The following ACER2 variants were observed in gnomAD, a reference collection of about 807,000 sequenced individuals.
ACER2 encodes the protein alkCDase 2.
ACER2 carries 26 observed loss-of-function variants against 34.7 expected under a neutral mutation model. The ratio of observed to expected loss-of-function variants is 0.75; its 90% CI spans 0.55 to 1.04. The LOEUF (loss-of-function observed/expected upper bound fraction) is 1.04, where lower values mean the gene tolerates loss of function less well. Ranked by LOEUF, ACER2 falls within the 50% of genes least tolerant of loss-of-function variation. The pLI is 0.00. For synonymous variants in ACER2, 138 were observed against 132.1 expected (o/e 1.04, Z -0.31); for missense variants, 352 against 340.8 (o/e 1.03, Z -0.26).
chr9:19,426,740 A>G lies in ACER2; in HGVS notation c.365+1899A>G, dbSNP rs532501024. ...GGAAAGAAGAAAATGGGGTGATGAC[A>G]TTGGTAGTTAAAGCTTACCAACTTT... On this transcript the variant is annotated intron_variant, in intron 3 of 5. Transcript: ENST00000340967. Among the ~76,000 whole-genome samples the G allele has an allele frequency of 2.6e-4, 39 of 152,200 alleles. No homozygotes were observed. In the Middle Eastern group the frequency reaches 0.01, roughly 40 times the overall value.
chr9:19,437,019 C>T (rs1263711410), intron 4 of ACER2, among the ~76,000 whole-genome samples: 2 of 152,190 alleles, frequency 1.3e-5, no homozygotes, highest in African/African-American at 2.4e-5. Flanking sequence ...TCCTACTCTG[C>T]TCCTTTGCTT....
intron 4 of ACER2, among the ~76,000 whole-genome samples, chr9:19,440,916 C>T (rs1831134415): frequency 6.6e-6 from 1 of 152,182 alleles, no homozygotes; most frequent in Non-Finnish European, 1.5e-5. Flanking sequence ...CCTTTTCTAG[C>T]TCTGATTCTC....
chr9:19,446,146 G>A (rs555927553), intron 4 of ACER2, 135 bp from the exon 5 acceptor site: 2 of 1,223,662 alleles, frequency 1.6e-6, no homozygotes, highest in South Asian at 2.4e-5. Flanking sequence ...TGGAGTGACT[G>A]TGTGTTGGGT....
chr9:19,444,312 C>T (rs1195193847), intron 4 of ACER2, among the ~76,000 whole-genome samples: 2 of 150,512 alleles, frequency 1.3e-5, no homozygotes, highest in Non-Finnish European at 3.0e-5. Flanking sequence ...CCCGGGTTCA[C>T]GCCATTCTCC....
intron 3 of ACER2, among the ~76,000 whole-genome samples, chr9:19,433,588 C>G (rs1001948876): frequency 2.0e-5 from 3 of 152,274 alleles, no homozygotes; most frequent in African/African-American, 7.2e-5. Context: ...TCCGATTTCT[C>G]AATCTTTTCC....
chr9:19,422,964 A>G (rs1830449212), intron 1 of ACER2, among the ~76,000 whole-genome samples: 1 of 151,310 alleles, frequency 6.6e-6, no homozygotes, highest in Non-Finnish European at 1.5e-5. Context: ...CCTGGGAGGC[A>G]GAAGTTGCAG....
rs566722034 is a variant in ACER2, at chr9:19,445,014, A to C, written c.504-1267A>C. Among the ~76,000 whole-genome samples, 3 of 152,234 alleles carry C rather than the reference A, an allele frequency of 2.0e-5. No homozygotes were observed. The East Asian group carries it at 5.8e-4, about 29-fold the overall frequency. On this transcript the variant is annotated intron_variant, in intron 4 of 5. Transcript: ENST00000340967. Reference sequence around the variant, plus strand: ...GGCACTAGCCAGTCAGGCTTTTAACACCTGTCTGTGGGTTCAACAAAGAGG... The same window carrying C: ...GGCACTAGCCAGTCAGGCTTTTAACCCCTGTCTGTGGGTTCAACAAAGAGG...
intron 3 of ACER2, among the ~76,000 whole-genome samples, chr9:19,428,069 TTTCCTTTCCTTCTCTC>T (rs1403272259): frequency 9.0e-4 from 124 of 137,600 alleles, no homozygotes; most frequent in Non-Finnish European, 1.6e-3. Context: ...TTTCCTTTCC[TTTCCTTTCCTTCTCTC>T]TCTCTCTCTC....
chr9:19,425,071 A>G (rs961906888), intron 3 of ACER2, among the ~76,000 whole-genome samples: 5 of 152,202 alleles, frequency 3.3e-5, no homozygotes, highest in Non-Finnish European at 7.3e-5. Context: ...TACCCAAAGT[A>G]CATCACCTCT....
chr9:19,443,876 C>A (rs150745033), intron 4 of ACER2, among the ~76,000 whole-genome samples: 9 of 152,108 alleles, frequency 5.9e-5, no homozygotes, highest in Admixed American at 2.0e-4. Context: ...AGGCTGATCT[C>A]CAACTCCTGA....
intron 3 of ACER2, among the ~76,000 whole-genome samples, chr9:19,426,598 A>G (rs1830580365): frequency 6.6e-6 from 1 of 152,152 alleles, no homozygotes; most frequent in South Asian, 2.1e-4. Context: ...TGTTTGTGAC[A>G]TTCTTGAGGC....
intron 3 of ACER2, among the ~76,000 whole-genome samples, chr9:19,427,509 C>G (rs186063195): frequency 5.3e-5 from 8 of 152,216 alleles, no homozygotes; most frequent in Admixed American, 5.2e-4. Flanking sequence ...GCAGACCAGA[C>G]CAAAAAATTC....
chr9:19,418,058 A>G (rs1360293755), intron 1 of ACER2, among the ~76,000 whole-genome samples: 1 of 152,266 alleles, frequency 6.6e-6, no homozygotes, highest in African/African-American at 2.4e-5. Flanking sequence ...GACACTTCTC[A>G]AAAGAAGACA....
intron 1 of ACER2, among the ~76,000 whole-genome samples, chr9:19,413,541 A>C (rs1830151714): frequency 6.6e-6 from 1 of 151,754 alleles, no homozygotes; most frequent in Non-Finnish European, 1.5e-5. Flanking sequence ...TGGAGGTTGC[A>C]GTGAGCCAAG....
intron 4 of ACER2, among the ~76,000 whole-genome samples, chr9:19,437,457 C>T (rs982142072): frequency 5.3e-5 from 8 of 152,174 alleles, no homozygotes; most frequent in Admixed American, 1.3e-4. Flanking sequence ...CTCCCATATC[C>T]ATTGCTCCAC....
chr9:19,409,594 T>G (rs991312476), intron 1 of ACER2, among the ~76,000 whole-genome samples: 1 of 152,014 alleles, frequency 6.6e-6, no homozygotes. Context: ...CATTGTGCTT[T>G]TTTGCCCTGA....
intron 1 of ACER2, among the ~76,000 whole-genome samples, chr9:19,416,675 G>A (rs941485955): frequency 1.1e-4 from 16 of 151,090 alleles, no homozygotes; most frequent in East Asian, 1.9e-4. Flanking sequence ...ACAGGCGCCC[G>A]CCACCATGCC....
chr9:19,424,550 G>T, intron 2 of ACER2, 150 bp from the exon 3 acceptor site: 3 of 1,465,694 alleles, frequency 2.0e-6, no homozygotes, highest in East Asian at 2.3e-5. Context: ...TGCTTGGGTG[G>T]TGTGAGTTTC....
chr9:19,446,584 G>A, intron 5 of ACER2, 166 bp downstream of exon 5: 1 of 985,434 alleles, frequency 1.0e-6, no homozygotes, highest in Non-Finnish European at 1.2e-6. Flanking sequence ...AGCACACTTT[G>A]TAAAAAGCTG....
Sources: allele counts gnomAD v4.1 joint callset (sites outside exome capture counted in the v4.1 genomes callset), GRCh38; gene constraint gnomAD v4.1.1; transcripts MANE v1.5; gene names NCBI Gene and HGNC (gene_info 2026-07-23, HGNC 2026-07-21).